Variants in GALNT14 observed in about 807,000 individuals in gnomAD.
The protein encoded by GALNT14 is UDP-GalNAc:polypeptide N-acetylgalactosaminyltransferase 14.
Under a neutral mutation model 77.5 loss-of-function variants are expected in GALNT14, and 60 were observed. That is an observed-to-expected ratio of 0.77 (90% CI 0.63 to 0.96). GALNT14 has a LOEUF of 0.96. GALNT14 is among the 40% of genes least tolerant of loss of function. GALNT14 has a pLI of 0.00. For missense variants in GALNT14, 710 were observed against 731.0 expected (o/e 0.97, Z 0.33); for synonymous variants, 280 against 281.7 (o/e 0.99, Z 0.06).
At chr2:31,057,293 T>TTATA (rs10638502) in intron 1 of GALNT14, among the ~76,000 whole-genome samples, 26,259 of 128,548 alleles carry the variant, frequency 0.2, 3,112 homozygotes, top group East Asian at 0.31. Context: ...AAAGTTGAAA[T>TTATA]TATATATATA....
At chr2:31,064,176 T>A (rs1054507521) in intron 1 of GALNT14, among the ~76,000 whole-genome samples, 2 of 152,192 alleles carry the variant, frequency 1.3e-5, no homozygotes, top group African/African-American at 2.4e-5. Flanking sequence ...TGAGTAGGGA[T>A]AGAGACTGAA....
chr2:30,958,910 G>A (rs1415650889), intron 3 of GALNT14, among the ~76,000 whole-genome samples: 1 of 152,172 alleles, frequency 6.6e-6, no homozygotes, highest in Admixed American at 6.5e-5. Flanking sequence ...AAGGAGCTTT[G>A]ATTGTGTGAC....
intron 1 of GALNT14, chr2:31,129,446 C>T (rs1347399462): frequency 1.0e-6 from 1 of 985,286 alleles, no homozygotes; most frequent in Non-Finnish European, 1.2e-6. Context: ...TGATAAAGAC[C>T]ACCTGCCCAC....
chr2:30,964,676 C>A (rs1193041161), intron 3 of GALNT14, among the ~76,000 whole-genome samples: 1 of 152,218 alleles, frequency 6.6e-6, no homozygotes, highest in East Asian at 1.9e-4. Context: ...GCAGACAGGG[C>A]TGTCCCCTTG....
At chr2:31,098,114 T>G (rs2148609013) in intron 1 of GALNT14, among the ~76,000 whole-genome samples, 1 of 152,184 alleles carries the variant, frequency 6.6e-6, no homozygotes, top group East Asian at 1.9e-4. Flanking sequence ...AACAAGCATT[T>G]AACACTTGAT....
intron 1 of GALNT14, among the ~76,000 whole-genome samples, chr2:31,099,742 C>T (rs1677173282): frequency 6.6e-6 from 1 of 151,786 alleles, no homozygotes; most frequent in Non-Finnish European, 1.5e-5. Context: ...CACTTGGTTC[C>T]TTTTAACTAT....
chr2:31,035,618 T>TACACACACACAC (rs530565205), intron 1 of GALNT14, among the ~76,000 whole-genome samples: 4 of 51,240 alleles, frequency 7.8e-5, no homozygotes, highest in African/African-American at 1.7e-4. Context: ...CACACACACC[T>TACACACACACAC]ACACACACAC....
chr2:31,112,841 C>T (rs1458544939), intron 1 of GALNT14, among the ~76,000 whole-genome samples: 1 of 152,174 alleles, frequency 6.6e-6, no homozygotes, highest in Non-Finnish European at 1.5e-5. Flanking sequence ...GGAATCTTAT[C>T]CCCATGTGCT....
the GALNT14 span, among the ~76,000 whole-genome samples, chr2:30,901,691 G>A: frequency 1.3e-5 from 2 of 150,940 alleles, no homozygotes; most frequent in Non-Finnish European, 2.9e-5. Context: ...GTATATATAT[G>A]TGTGTGTGTG....
At chr2:31,056,435 G>A (rs1674211998) in intron 1 of GALNT14, among the ~76,000 whole-genome samples, 1 of 152,186 alleles carries the variant, frequency 6.6e-6, no homozygotes, top group Non-Finnish European at 1.5e-5. Flanking sequence ...TACTCCTGGA[G>A]GTTGGTCCAA....
chr2:30,926,614 G>A (rs771248991), intron 11 of GALNT14, among the ~76,000 whole-genome samples: 7 of 152,096 alleles, frequency 4.6e-5, no homozygotes, highest in African/African-American at 4.8e-5. Context: ...CGGACCCTCC[G>A]GCAAGACCAT....
intron 9 of GALNT14, among the ~76,000 whole-genome samples, chr2:30,934,763 T>C (rs139222575): frequency 3.1e-4 from 47 of 152,332 alleles, no homozygotes; most frequent in African/African-American, 1.1e-3. Flanking sequence ...GCTCTGCCTC[T>C]GAGCATTTTC....
At chr2:31,052,834 TTTGAGATGTG>T in intron 1 of GALNT14, among the ~76,000 whole-genome samples, 1 of 152,192 alleles carries the variant, frequency 6.6e-6, no homozygotes, top group Non-Finnish European at 1.5e-5. Flanking sequence ...TCATGCATTA[TTTGAGATGTG>T]TAATAAAAAT....
At chr2:30,903,799 T>C in the GALNT14 span, among the ~76,000 whole-genome samples, 1 of 152,216 alleles carries the variant, frequency 6.6e-6, no homozygotes, top group Middle Eastern at 3.2e-3. Context: ...CAGCAGTGGA[T>C]AACAAAGCCA....
intron 1 of GALNT14, among the ~76,000 whole-genome samples, chr2:31,071,001 T>C (rs1384631704): frequency 6.6e-6 from 1 of 152,102 alleles, no homozygotes; most frequent in African/African-American, 2.4e-5. Context: ...AACTCAGAAA[T>C]GGAAAACCAA....
chr2:31,064,698 T>C (rs914691626), intron 1 of GALNT14, among the ~76,000 whole-genome samples: 2 of 152,046 alleles, frequency 1.3e-5, no homozygotes, highest in African/African-American at 4.8e-5. Context: ...CAAGTGCACC[T>C]GAGATAGACA....
At chr2:30,949,631 C>T (rs949158313) in intron 6 of GALNT14, among the ~76,000 whole-genome samples, 1 of 152,180 alleles carries the variant, frequency 6.6e-6, no homozygotes, top group African/African-American at 2.4e-5. Context: ...CATCTACCAC[C>T]CCTGCCATCA....
chr2:31,083,284 G>T (rs922850126), intron 1 of GALNT14, among the ~76,000 whole-genome samples: 1 of 152,150 alleles, frequency 6.6e-6, no homozygotes, highest in Non-Finnish European at 1.5e-5. Context: ...GGGGATCAGA[G>T]GGGGGTGGAA....
At chr2:31,080,254 G>A (rs1201504493) in intron 1 of GALNT14, among the ~76,000 whole-genome samples, 1 of 152,216 alleles carries the variant, frequency 6.6e-6, no homozygotes, top group Non-Finnish European at 1.5e-5. Flanking sequence ...GAATAATGGG[G>A]AGAATAAGGT....
Sources: gnomAD v4.1 joint callset for allele counts (sites outside exome capture counted in the v4.1 genomes callset) on GRCh38, gnomAD v4.1.1 for gene constraint, MANE v1.5 for transcripts, NCBI Gene and HGNC (gene_info 2026-07-23, HGNC 2026-07-21) for gene names.